The following MTUS1 variants were observed in gnomAD, a reference collection of about 807,000 sequenced individuals.
The protein encoded by MTUS1 is microtubule-associated tumor suppressor 1.
Under a neutral mutation model 120.8 loss-of-function variants are expected in MTUS1, and 109 were observed. That is an observed-to-expected ratio of 0.90 (90% CI 0.77 to 1.06). The LOEUF is 1.06. MTUS1 is among the 50% of genes least tolerant of loss of function. The pLI is 0.00. For missense variants in MTUS1, 2,210 were observed against 1,486.3 expected, an observed-to-expected ratio of 1.49 and a Z score of -8.01; for synonymous variants, 737 against 550.5, an observed-to-expected ratio of 1.34 and a Z score of -4.74.
intron 1 of MTUS1, 119 bp from the exon 2 acceptor site, chr8:17,756,080 A>T: frequency 2.4e-6 from 1 of 417,978 alleles, no homozygotes; most frequent in Non-Finnish European, 4.0e-6. Flanking sequence ...AGACCCCACA[A>T]CTACTGATGT....
chr8:17,739,796 A>C (rs1242520796), intron 3 of MTUS1, among the ~76,000 whole-genome samples: 1 of 152,246 alleles, frequency 6.6e-6, no homozygotes, highest in Non-Finnish European at 1.5e-5. Context: ...GCTATCATTG[A>C]CATTATAATA....
chr8:17,709,535 A>G (rs537906101), intron 6 of MTUS1, among the ~76,000 whole-genome samples: 5 of 152,264 alleles, frequency 3.3e-5, no homozygotes, highest in African/African-American at 1.2e-4. Flanking sequence ...CAATGTGTGA[A>G]CAAACTGTAG....
intron 1 of MTUS1, among the ~76,000 whole-genome samples, chr8:17,757,875 G>A (rs906391421): frequency 6.6e-6 from 1 of 152,154 alleles, no homozygotes; most frequent in Non-Finnish European, 1.5e-5. Context: ...TCAAACTGCA[G>A]TGCCAAAGAA....
At chr8:17,647,249 G>C in intron 13 of MTUS1, 170 bp from the exon 14 acceptor site, 1 of 554,232 alleles carries the variant, frequency 1.8e-6, no homozygotes. Context: ...TTTTAAAACA[G>C]CAAAACAGAG....
intron 9 of MTUS1, 86 bp from the exon 10 acceptor site, chr8:17,654,752 C>G: frequency 1.2e-6 from 1 of 868,790 alleles, no homozygotes; most frequent in Non-Finnish European, 1.9e-6. Flanking sequence ...TAGGAGACGT[C>G]ACAGCTTCAC....
At chr8:17,701,971 T>TTAAA (rs1819189455) in intron 6 of MTUS1, among the ~76,000 whole-genome samples, 1 of 152,240 alleles carries the variant, frequency 6.6e-6, no homozygotes, top group African/African-American at 2.4e-5. Context: ...TTCCATGGGA[T>TTAAA]TAAATAAGCA....
At chr8:17,724,252 A>G (rs2046058630) in intron 3 of MTUS1, 2 of 314,676 alleles carry the variant, frequency 6.4e-6, no homozygotes, top group Non-Finnish European at 1.2e-5. Context: ...CTATCATATA[A>G]GAAATAAATA....
chr8:17,771,422 A>T (rs62498367), intron 1 of MTUS1, among the ~76,000 whole-genome samples: 28,227 of 152,234 alleles, frequency 0.19, 2,608 homozygotes, highest in Middle Eastern at 0.21. Context: ...GCTTCATGCA[A>T]TGAAGTTTTC....
chr8:17,756,807 T>C (rs1352089254), intron 1 of MTUS1, among the ~76,000 whole-genome samples: 2 of 151,942 alleles, frequency 1.3e-5, no homozygotes, highest in Non-Finnish European at 2.9e-5. Context: ...ACCAGAATGC[T>C]CTCCCACTCT....
At chr8:17,769,104 A>ATCAC (rs2049805947) in intron 1 of MTUS1, among the ~76,000 whole-genome samples, 1 of 152,064 alleles carries the variant, frequency 6.6e-6, no homozygotes, top group Non-Finnish European at 1.5e-5. Context: ...CAAAGACAGC[A>ATCAC]CCCCGAAGGA....
intron 6 of MTUS1, among the ~76,000 whole-genome samples, chr8:17,695,881 G>A (rs992941806): frequency 4.6e-5 from 7 of 152,110 alleles, no homozygotes; most frequent in Admixed American, 3.9e-4. Flanking sequence ...AGCTGAGAGC[G>A]GCTGTCTCCA....
chr8:17,661,104 C>G (rs574893916), intron 8 of MTUS1, among the ~76,000 whole-genome samples: 2 of 152,292 alleles, frequency 1.3e-5, no homozygotes, highest in Non-Finnish European at 2.9e-5. Flanking sequence ...AAAAATGACT[C>G]AAGAAGTCCA....
chr8:17,792,205 A>AT (rs2131587653), intron 1 of MTUS1, among the ~76,000 whole-genome samples: 1 of 152,322 alleles, frequency 6.6e-6, no homozygotes, highest in Non-Finnish European at 1.5e-5. Flanking sequence ...AAATACCTCT[A>AT]TTTATTATTT....
rs140194366 is a variant in MTUS1 at position 17,739,987 on chromosome 8, C to T, written c.2287+3617G>A. Among the ~76,000 whole-genome samples the T allele has an allele frequency of 5.1e-3, 782 of 152,214 alleles. 10 individuals carry two copies. Among genetic ancestry groups the T allele is most frequent in the African/African-American group, 0.018 (753 of 41,532 alleles). ...TTGGGAGGCCAAGGTGGGTGGATCA[C>T]CTGAGGTCAGAAGTTCGAGACCGGC... On this transcript the variant is annotated intron_variant, in intron 3 of 14. Transcript: ENST00000693296.
chr8:17,759,099 T>A (rs1426098292), intron 1 of MTUS1, among the ~76,000 whole-genome samples: 1 of 151,996 alleles, frequency 6.6e-6, no homozygotes, highest in Non-Finnish European at 1.5e-5. Flanking sequence ...GCCAGCATGG[T>A]CTTGATCTCC....
chr8:17,712,416 C>T (rs1180078808), intron 6 of MTUS1, among the ~76,000 whole-genome samples: 1 of 151,910 alleles, frequency 6.6e-6, no homozygotes, highest in African/African-American at 2.4e-5. Flanking sequence ...CGCTCAATGC[C>T]ACCTCTGCCT....
chr8:17,743,100 A>G (rs1007800433), intron 3 of MTUS1, among the ~76,000 whole-genome samples: 10 of 152,034 alleles, frequency 6.6e-5, no homozygotes, highest in Non-Finnish European at 1.0e-4. Flanking sequence ...TGACTTTAAA[A>G]TTACAAATTG....
intron 6 of MTUS1, among the ~76,000 whole-genome samples, chr8:17,707,983 A>T (rs893250512): frequency 2.0e-5 from 3 of 152,224 alleles, no homozygotes; most frequent in Non-Finnish European, 4.4e-5. Flanking sequence ...TAACTATAAC[A>T]GCTAGAATAG....
In MTUS1 at chr8:17,697,527, A is replaced by G. The variant is rs1031424139; in HGVS notation, c.2624-12985T>C. The G allele has an allele frequency of 7.8e-6, 11 of 1,415,510 alleles. No individual in the cohort carries two copies. The East Asian group carries it at 1.2e-4, about 16-fold the overall frequency. The allele number at this position is 1,415,510 out of a possible 1,614,324, so 87.7% of individuals were successfully genotyped here. ...GCAAATGTCATTCCACCAGAGAGGC[A>G]TAGAAGAAAAAAATCCCCCAGGGCT... On this transcript the variant is annotated intron_variant, in intron 6 of 14. Transcript: ENST00000693296.
Sources: gnomAD v4.1 joint callset for allele counts (sites outside exome capture counted in the v4.1 genomes callset) on GRCh38, gnomAD v4.1.1 for gene constraint, MANE v1.5 for transcripts, NCBI Gene and HGNC (gene_info 2026-07-23, HGNC 2026-07-21) for gene names.